Variants in IMMP2L observed in about 807,000 individuals in gnomAD.
The protein encoded by IMMP2L is inner mitochondrial membrane peptidase subunit 2.
Under a neutral mutation model 19.3 loss-of-function variants are expected in IMMP2L, and 18 were observed. The observed-to-expected ratio is 0.93, with a 90% CI of 0.64 to 1.38. The LOEUF (loss-of-function observed/expected upper bound fraction) is 1.38, where lower values mean the gene tolerates loss of function less well. Ranked by LOEUF, IMMP2L falls within the 40% of genes most tolerant of loss-of-function variation. IMMP2L has a pLI of 0.00. For missense variants in IMMP2L, 233 were observed against 218.2 expected (o/e 1.07, Z -0.43); for synonymous variants, 76 against 73.0 (o/e 1.04, Z -0.21).
intron 3 of IMMP2L, among the ~76,000 whole-genome samples, chr7:111,072,881 TGACAGAGCAA>T (rs1248911203): frequency 4.3e-5 from 6 of 139,416 alleles, no homozygotes; most frequent in African/African-American, 1.4e-4. Context: ...CCAGCCTGGG[TGACAGAGCAA>T]GACTGTCTCC....
At chr7:111,309,131 T>G (rs1823214266) in intron 3 of IMMP2L, among the ~76,000 whole-genome samples, 1 of 152,094 alleles carries the variant, frequency 6.6e-6, no homozygotes, top group African/African-American at 2.4e-5. Flanking sequence ...GGATCAAGAT[T>G]TGAGAGAAGG....
At chr7:110,689,867 T>C (rs1359344315) in intron 5 of IMMP2L, among the ~76,000 whole-genome samples, 1 of 152,216 alleles carries the variant, frequency 6.6e-6, no homozygotes, top group African/African-American at 2.4e-5. Flanking sequence ...GGAGTTTCTC[T>C]GGTCTAGACC....
intron 4 of IMMP2L, among the ~76,000 whole-genome samples, chr7:110,888,070 A>T (rs1370666205): frequency 2.0e-5 from 3 of 152,150 alleles, no homozygotes; most frequent in African/African-American, 7.2e-5. Flanking sequence ...TTTACTTTAG[A>T]TCAGTAAATC....
rs190227054 is a variant in IMMP2L at position 111,263,100 on chromosome 7, G to C, written c.239+224138C>G. On this transcript the variant is annotated intron_variant, in intron 3 of 5. Transcript: ENST00000405709. ...CCCTGTAAGACACTGTAAGGCCTTT[G>C]ACTTCTGCTCTGAGAGAGGCGGGAA... Among the ~76,000 whole-genome samples, 321 of 152,204 alleles carry C rather than the reference G, an allele frequency of 2.1e-3. 3 individuals are homozygous for C. The highest frequency in any genetic ancestry group is 4.8e-3 in the Admixed American group (74 of 15,266).
At chr7:111,053,623 T>C (rs148242972) in intron 3 of IMMP2L, among the ~76,000 whole-genome samples, 1 of 152,142 alleles carries the variant, frequency 6.6e-6, no homozygotes, top group Non-Finnish European at 1.5e-5. Context: ...TGCCTGACAT[T>C]CCTGGTGGTG....
chr7:110,831,464 G>T (rs1172733317), intron 5 of IMMP2L, among the ~76,000 whole-genome samples: 1 of 152,128 alleles, frequency 6.6e-6, no homozygotes, highest in Non-Finnish European at 1.5e-5. Context: ...GGAATCTTGA[G>T]AAAACTTCTT....
At chr7:111,343,726 G>C (rs1767657105) in intron 3 of IMMP2L, among the ~76,000 whole-genome samples, 1 of 152,114 alleles carries the variant, frequency 6.6e-6, no homozygotes, top group African/African-American at 2.4e-5. Flanking sequence ...GAATAAAAAT[G>C]TATTTCCTGC....
intron 3 of IMMP2L, among the ~76,000 whole-genome samples, chr7:111,190,375 T>C (rs4730484): frequency 0.85 from 129,447 of 152,072 alleles, 55,727 homozygotes; most frequent in East Asian, 0.93. Flanking sequence ...ACATGCTAAA[T>C]GTATATTACA....
chr7:110,905,691 T>C (rs938223137), intron 4 of IMMP2L, among the ~76,000 whole-genome samples: 2 of 152,206 alleles, frequency 1.3e-5, no homozygotes, highest in Admixed American at 1.3e-4. Flanking sequence ...AATTCTGTAC[T>C]TTGGCTGGAC....
At chr7:111,147,148 T>C (rs566261659) in intron 3 of IMMP2L, among the ~76,000 whole-genome samples, 4 of 152,266 alleles carry the variant, frequency 2.6e-5, no homozygotes, top group African/African-American at 9.6e-5. Flanking sequence ...ATTTATAATT[T>C]CTATAAGTTT....
At chr7:110,762,377 A>C (rs959004636) in intron 5 of IMMP2L, among the ~76,000 whole-genome samples, 1 of 152,102 alleles carries the variant, frequency 6.6e-6, no homozygotes, top group Non-Finnish European at 1.5e-5. Context: ...CAATCAATCT[A>C]TGTAAGAAAA....
chr7:110,955,910 A>G (rs1332385315), intron 4 of IMMP2L, among the ~76,000 whole-genome samples: 1 of 152,030 alleles, frequency 6.6e-6, no homozygotes, highest in Non-Finnish European at 1.5e-5. Flanking sequence ...TCTATTATTC[A>G]GAGCTACTGC....
chr7:110,801,583 T>C (rs1162436394), intron 5 of IMMP2L, among the ~76,000 whole-genome samples: 1 of 152,090 alleles, frequency 6.6e-6, no homozygotes, highest in Non-Finnish European at 1.5e-5. Context: ...GTTACAATTC[T>C]AGCTAGAATT....
At chr7:111,547,051 T>G (rs1309084290) in intron 1 of IMMP2L, among the ~76,000 whole-genome samples, 1 of 152,136 alleles carries the variant, frequency 6.6e-6, no homozygotes, top group African/African-American at 2.4e-5. Context: ...AAGTAAGTTT[T>G]TCTTAATCTA....
At chr7:110,693,038 T>A (rs1297272211) in intron 5 of IMMP2L, among the ~76,000 whole-genome samples, 3 of 152,158 alleles carry the variant, frequency 2.0e-5, no homozygotes, top group Non-Finnish European at 4.4e-5. Context: ...TGGTGATGCA[T>A]CTCCATATTC....
intron 2 of IMMP2L, among the ~76,000 whole-genome samples, chr7:111,504,393 T>C (rs1171002359): frequency 1.3e-5 from 2 of 151,994 alleles, no homozygotes; most frequent in Non-Finnish European, 2.9e-5. Context: ...ATGGCCATAC[T>C]GCCCAAGGTA....
intron 4 of IMMP2L, among the ~76,000 whole-genome samples, chr7:110,900,011 T>C (rs1264234885): frequency 6.6e-6 from 1 of 152,208 alleles, no homozygotes; most frequent in East Asian, 1.9e-4. Context: ...GAATGTTCCA[T>C]TCAGATAGGA....
At chr7:111,548,548 T>C (rs1296136846) in intron 1 of IMMP2L, among the ~76,000 whole-genome samples, 2 of 152,192 alleles carry the variant, frequency 1.3e-5, no homozygotes, top group African/African-American at 4.8e-5. Context: ...TATTACAATA[T>C]AATAAGCATG....
chr7:111,441,061 TTGGCTTAAGAGAATTTTG>T (rs1837661379), intron 3 of IMMP2L, among the ~76,000 whole-genome samples: 1 of 151,952 alleles, frequency 6.6e-6, no homozygotes, highest in South Asian at 2.1e-4. Flanking sequence ...ACATTAAGCT[TTGGCTTAAGAGAATTTTG>T]TGGCTTAATC....
Sources: gnomAD v4.1 joint callset for allele counts (sites outside exome capture counted in the v4.1 genomes callset) on GRCh38, gnomAD v4.1.1 for gene constraint, MANE v1.5 for transcripts, NCBI Gene and HGNC (gene_info 2026-07-23, HGNC 2026-07-21) for gene names.